The following PROCR variants were observed in gnomAD, a reference collection of about 807,000 sequenced individuals.
PROCR encodes endothelial protein C receptor.
Under a neutral mutation model 24.2 loss-of-function variants are expected in PROCR, and 22 were observed. The observed-to-expected ratio is 0.91, with a 90% CI of 0.65 to 1.30. The LOEUF (loss-of-function observed/expected upper bound fraction) is 1.30, where lower values mean the gene tolerates loss of function less well. Among genes scored for constraint, PROCR ranks in the 50% most tolerant of loss-of-function variants. The probability of loss-of-function intolerance (pLI) is 0.00; values close to 1 mark genes in which losing one functional copy is unlikely to be tolerated. For synonymous variants in PROCR, 137 were observed against 139.2 expected, an observed-to-expected ratio of 0.98 and a Z score of 0.11; for missense variants, 288 against 307.7, an observed-to-expected ratio of 0.94 and a Z score of 0.48.
At chr20:35,190,107 C>T (rs1028617222) in intron 1 of PROCR, among the ~76,000 whole-genome samples, 12 of 152,000 alleles carry the variant, frequency 7.9e-5, no homozygotes, top group African/African-American at 2.2e-4. Flanking sequence ...TTCCTGGCAA[C>T]GTTATTATTC....
intron 1 of PROCR, among the ~76,000 whole-genome samples, chr20:35,206,432 G>A (rs960839938): frequency 1.0e-4 from 14 of 138,186 alleles, no homozygotes; most frequent in East Asian, 4.9e-4. Flanking sequence ...CCAAGATGGC[G>A]TCACTGCAGT....
At chr20:35,202,196 A>G (rs1258889673) in intron 1 of PROCR, 1 of 152,196 alleles carries the variant, frequency 6.6e-6, no homozygotes, top group East Asian at 1.9e-4. Flanking sequence ...ATAAAACCAC[A>G]TAAAGCATGT....
Position 35,176,964 on chromosome 20 carries a change from T to G in PROCR, c.*151T>G. ...CTCCCACATCTGCCCACTGAAGATTTGAGGGAGGGGAGATGGAGAGGAGAG... is the reference window on the plus strand; with the variant it reads ...CTCCCACATCTGCCCACTGAAGATTGGAGGGAGGGGAGATGGAGAGGAGAG... On this transcript the variant is annotated 3_prime_UTR_variant, in exon 4 of 4. Transcript: ENST00000216968. 1 of 1,506,258 alleles carries G rather than the reference T, an allele frequency of 6.6e-7. No homozygotes were observed. Among genetic ancestry groups the G allele is most frequent in the South Asian group, 1.2e-5 (1 of 80,226 alleles). 93.3% of individuals were successfully genotyped at this position (1,506,258 alleles called of 1,614,324 possible).
chr20:35,176,271 T>TC lies in PROCR; in HGVS notation c.426_427insC (p.Phe143LeufsTer35). 6.2e-7 allele frequency: 1 copy of TC among 1,614,102 alleles called. No homozygotes were observed. The highest frequency in any genetic ancestry group is 1.7e-5 in the Admixed American group (1 of 60,006). ...CTGTGAATGGGAGCTCCTTTGTGAG[T>TC]TTCCGGCCGGAGAGAGCCTTGTGGC... On this transcript the variant is annotated frameshift_variant, in exon 3 of 4. Transcript: ENST00000216968. LOFTEE classifies it high-confidence loss of function.
At chr20:35,192,445 G>C (rs2086181092) in intron 1 of PROCR, among the ~76,000 whole-genome samples, 2 of 152,206 alleles carry the variant, frequency 1.3e-5, no homozygotes, top group Admixed American at 1.3e-4. Flanking sequence ...GAATTTATCA[G>C]AGGCTTGGAC....
intron 1 of PROCR, among the ~76,000 whole-genome samples, chr20:35,204,739 A>C (rs1212867085): frequency 6.6e-6 from 1 of 150,992 alleles, no homozygotes; most frequent in African/African-American, 2.4e-5. Flanking sequence ...AATTCCACAC[A>C]AACTCTTCCA....
intron 1 of PROCR, among the ~76,000 whole-genome samples, chr20:35,186,538 C>G (rs2086128034): frequency 1.3e-5 from 2 of 148,298 alleles, no homozygotes; most frequent in African/African-American, 2.5e-5. Context: ...TGCACTCCAG[C>G]CTGGGCAACA....
intron 1 of PROCR, among the ~76,000 whole-genome samples, chr20:35,205,901 C>T (rs527626188): frequency 8.9e-5 from 13 of 145,980 alleles, no homozygotes; most frequent in African/African-American, 3.0e-4. Flanking sequence ...GTATGACCTC[C>T]GGTGATCCCC....
chr20:35,181,690 C>G (rs2086080571), downstream of PROCR, among the ~76,000 whole-genome samples: 1 of 152,158 alleles, frequency 6.6e-6, no homozygotes, highest in African/African-American at 2.4e-5. Context: ...GAGAAGTTTA[C>G]AAAGAAATTT....
At chr20:35,174,549 C>G in intron 1 of PROCR, 153 bp from the exon 2 acceptor site, 1 of 913,314 alleles carries the variant, frequency 1.1e-6, no homozygotes, top group Admixed American at 1.8e-5. Context: ...GAGTTACTGT[C>G]AGCGTCAAAC....
At chr20:35,211,557 A>T (rs1298564367) in intron 1 of PROCR, among the ~76,000 whole-genome samples, 1 of 152,120 alleles carries the variant, frequency 6.6e-6, no homozygotes. Flanking sequence ...TTTTTAACAC[A>T]CCCATCCAAA....
chr20:35,180,022 G>T (rs1385788645), downstream of PROCR, among the ~76,000 whole-genome samples: 1 of 152,100 alleles, frequency 6.6e-6, no homozygotes, highest in East Asian at 1.9e-4. Context: ...GAGGTGGGGG[G>T]ATCACCTGAG....
At position 35,176,279 on chromosome 20, in the gene PROCR, C is replaced by A; in HGVS notation, c.434C>A (p.Pro145Gln). The A allele has an allele frequency of 6.2e-7, 1 of 1,614,188 alleles. No homozygotes were observed. The highest frequency in any genetic ancestry group is 1.1e-5 in the South Asian group (1 of 91,088). ...VNGSSFVSFR[P>Q]ERALWQADTQ... is the part of the protein sequence containing the mutation. ...GGGAGCTCCTTTGTGAGTTTCCGGC[C>A]GGAGAGAGCCTTGTGGCAGGCAGAC... Residue 145 changes from proline to glutamine, a missense_variant, in exon 3 of 4, where the codon CCG becomes CAG. By Grantham distance (76) the Pro-to-Gln change is moderately conservative. Coordinates refer to ENST00000216968, the MANE Select transcript of PROCR (RefSeq NM_006404.5).
intron 1 of PROCR, among the ~76,000 whole-genome samples, chr20:35,213,913 A>G (rs1479740038): frequency 6.6e-6 from 1 of 151,784 alleles, no homozygotes; most frequent in East Asian, 1.9e-4. Flanking sequence ...TGTCTCTACT[A>G]AAAATATAAA....
chr20:35,178,142 G>A (rs1049676284), downstream of PROCR, among the ~76,000 whole-genome samples: 7 of 151,884 alleles, frequency 4.6e-5, no homozygotes, highest in East Asian at 9.7e-4. Context: ...GGTGGCTCAC[G>A]CCTGTAATCC....
chr20:35,188,933 C>A (rs902628234), intron 1 of PROCR, among the ~76,000 whole-genome samples: 2 of 152,166 alleles, frequency 1.3e-5, no homozygotes, highest in African/African-American at 4.8e-5. Context: ...ATTTCCTATG[C>A]CTGTCTTTAC....
In PROCR at chr20:35,176,900, C is replaced by T. The variant is rs769089338; in HGVS notation, c.*87C>T. The T allele has an allele frequency of 5.1e-6, 8 of 1,557,244 alleles. No homozygotes were observed. Among genetic ancestry groups the T allele is most frequent in the Middle Eastern group, 1.8e-4 (1 of 5,504 alleles). On this transcript the variant is annotated 3_prime_UTR_variant, in exon 4 of 4. Coordinates refer to ENST00000216968, the MANE Select transcript of PROCR (RefSeq NM_006404.5). ...CTCACTGTGAAGCCAGACTCCCCAA[C>T]TGAAACACCAGAAGGTTTGGAGTGA... is the stretch of plus-strand genomic sequence containing the variant.
At chr20:35,181,498 C>T (rs1170491712), downstream of PROCR, among the ~76,000 whole-genome samples, 2 of 152,104 alleles carry the variant, frequency 1.3e-5, no homozygotes, top group Non-Finnish European at 2.9e-5. Context: ...TGGTCTTGAA[C>T]TCCTGACCTC....
At chr20:35,180,179 A>G (rs889403133), downstream of PROCR, among the ~76,000 whole-genome samples, 2 of 152,144 alleles carry the variant, frequency 1.3e-5, no homozygotes, top group East Asian at 3.9e-4. Flanking sequence ...CCCAAGAGGC[A>G]GAGGTTGCAA....
Sources: gnomAD v4.1 joint callset for allele counts (sites outside exome capture counted in the v4.1 genomes callset) on GRCh38, gnomAD v4.1.1 for gene constraint, MANE v1.5 for transcripts, NCBI Gene and HGNC (gene_info 2026-07-23, HGNC 2026-07-21) for gene names.